GPR55: variants seen among roughly 807,000 people sequenced by gnomAD.
GPR55 encodes the protein G-protein coupled receptor 55.
Under a neutral mutation model 7.9 loss-of-function variants are expected in GPR55, and 6 were observed. That is an observed-to-expected ratio of 0.76 (90% CI 0.41 to 1.49). GPR55 has a LOEUF of 1.49. Among genes scored for constraint, GPR55 ranks in the 40% most tolerant of loss-of-function variants. GPR55 has a pLI of 0.01. For missense variants in GPR55, 376 were observed against 406.0 expected, an observed-to-expected ratio of 0.93 and a Z score of 0.63; for synonymous variants, 183 against 166.8, an observed-to-expected ratio of 1.10 and a Z score of -0.75.
intron 1 of GPR55, among the ~76,000 whole-genome samples, chr2:230,952,045 T>C (rs950588010): frequency 1.3e-5 from 2 of 151,774 alleles, no homozygotes; most frequent in African/African-American, 4.8e-5. Flanking sequence ...GGATTACAGG[T>C]GTGAGCCACC....
chr2:230,908,505 C>A lies in GPR55; in HGVS notation c.*1498G>T. On this transcript the variant is annotated 3_prime_UTR_variant, in exon 2 of 2. Transcript: ENST00000650999. ...CTAGGGCCACGGCTCAGCTTCCCCTCCTTTTCCTCTTCCTCTTCCTCCTCC... is the reference window on the plus strand; with the variant it reads ...CTAGGGCCACGGCTCAGCTTCCCCTACTTTTCCTCTTCCTCTTCCTCCTCC... 6.4e-6 allele frequency: 1 copy of A among 155,526 alleles called. No individual in the cohort carries two copies. 9.6% of individuals were successfully genotyped at this position (155,526 alleles called of 1,614,324 possible).
At chr2:230,927,796 C>T (rs1690968112), upstream of GPR55, among the ~76,000 whole-genome samples, 1 of 152,270 alleles carries the variant, frequency 6.6e-6, no homozygotes, top group South Asian at 2.1e-4. Context: ...TCACCACATC[C>T]TCCCCTGACG....
At chr2:230,957,749 C>CT (rs1691514685) in intron 1 of GPR55, 1 of 551,406 alleles carries the variant, frequency 1.8e-6, no homozygotes, top group Admixed American at 1.9e-5. Flanking sequence ...TTTTTGTTAA[C>CT]TAGTAGAATT....
At chr2:230,950,025 G>A (rs946096820) in intron 1 of GPR55, among the ~76,000 whole-genome samples, 43 of 152,246 alleles carry the variant, frequency 2.8e-4, no homozygotes, top group African/African-American at 9.9e-4. Context: ...TAGTAGAGAC[G>A]GGGTTTCACC....
chr2:230,920,275 C>G (rs890026738), intron 1 of GPR55, among the ~76,000 whole-genome samples: 1 of 152,046 alleles, frequency 6.6e-6, no homozygotes, highest in Admixed American at 6.6e-5. Flanking sequence ...TGAGGCATGG[C>G]AGGGCGCAAG....
chr2:230,923,138 C>A lies in GPR55; in HGVS notation c.-135+2030G>T, dbSNP rs145168160. Among the ~76,000 whole-genome samples, 4 of 152,368 alleles carry A rather than the reference C, an allele frequency of 2.6e-5. No individual in the cohort carries two copies. Among genetic ancestry groups the A allele is most frequent in the East Asian group, 3.9e-4 (2 of 5,190 alleles). ...CACTTGCGGCAGCCCTGTGGCTTTG[C>A]CTGCACAGCTGAGACCTCGAAACCC... is the stretch of plus-strand genomic sequence containing the variant. On this transcript the variant is annotated intron_variant, in intron 1 of 1. Coordinates refer to ENST00000650999, the MANE Select transcript of GPR55 (RefSeq NM_005683.4). This position sits in a 1 kb window ranked among gnomAD's most constrained non-coding sequence, Gnocchi z 4.1.
intron 1 of GPR55, among the ~76,000 whole-genome samples, chr2:230,948,141 G>A (rs1179427211): frequency 2.0e-5 from 3 of 151,900 alleles, no homozygotes; most frequent in Admixed American, 6.6e-5. Flanking sequence ...CCCTTGGTGA[G>A]GCAAAGCACA....
intron 1 of GPR55, among the ~76,000 whole-genome samples, chr2:230,932,574 G>A (rs1242511832): frequency 1.3e-5 from 2 of 152,130 alleles, no homozygotes; most frequent in Admixed American, 6.5e-5. Flanking sequence ...TATGATAAAG[G>A]TACATAAAGC....
At chr2:230,929,690 G>A (rs1691001232), upstream of GPR55, 1 of 152,220 alleles carries the variant, frequency 6.6e-6, no homozygotes, top group Non-Finnish European at 1.5e-5. Flanking sequence ...GTTGGACAAA[G>A]GTGGTCTTCA....
rs1255616081 is a variant in GPR55, at chr2:230,907,452, G to A, written c.*2551C>T. The A allele has an allele frequency of 6.6e-6, 1 of 152,276 alleles. No homozygotes were observed. The highest frequency in any genetic ancestry group is 2.4e-5 in the African/African-American group (1 of 41,456). 9.4% of individuals were successfully genotyped at this position (152,276 alleles called of 1,614,324 possible). A position where few individuals can be genotyped will look rare whatever the true frequency, so the allele number is the denominator to read the frequency against. ...ATGGGCCAGCTTGGGTTGCAGCTATGTGGGTCCAAACTCTCGGCCCTCCTG... is the reference window on the plus strand; with the variant it reads ...ATGGGCCAGCTTGGGTTGCAGCTATATGGGTCCAAACTCTCGGCCCTCCTG... On this transcript the variant is annotated 3_prime_UTR_variant, in exon 2 of 2. Coordinates refer to ENST00000650999, the MANE Select transcript of GPR55 (RefSeq NM_005683.4).
intron 1 of GPR55, among the ~76,000 whole-genome samples, chr2:230,934,422 G>A (rs1691101471): frequency 6.6e-6 from 1 of 152,218 alleles, no homozygotes; most frequent in Admixed American, 6.5e-5. Context: ...AGGACCAAAT[G>A]TGAGATGACC....
chr2:230,951,661 G>A lies in GPR55; in HGVS notation c.-135+9114C>T, dbSNP rs151015700. The stretch of plus-strand genomic sequence containing the variant: ...TTTGTACCATTCACAACTTAGAGTT[G>A]GCTGGGATCTTGACAACTGAGGGTA... On this transcript the variant is annotated intron_variant, in intron 1 of 1. Coordinates refer to the GPR55 transcript ENST00000392039. Among the ~76,000 whole-genome samples the A allele has an allele frequency of 1.5e-4, 23 of 152,194 alleles. No homozygotes were observed. The East Asian group carries it at 4.4e-3, about 29-fold the overall frequency.
In GPR55 at chr2:230,908,897, G is replaced by A. The variant is rs530373803; in HGVS notation, c.*1106C>T. The A allele has an allele frequency of 2.4e-4, 37 of 152,416 alleles. 1 individual carries two copies. The highest frequency in any genetic ancestry group is 2.2e-3 in the Admixed American group (34 of 15,292). The allele number at this position is 152,416 out of a possible 1,614,324, so 9.4% of individuals were successfully genotyped here. On this transcript the variant is annotated 3_prime_UTR_variant, in exon 2 of 2. Transcript: ENST00000650999. ...GACCCCCCCTTGCCTTCTTTCTCAAGGCCACACCCTTGTGCCTAGCTGCCT... is the reference window on the plus strand; with the variant it reads ...GACCCCCCCTTGCCTTCTTTCTCAAAGCCACACCCTTGTGCCTAGCTGCCT...
chr2:230,937,261 C>G (rs562821486), intron 1 of GPR55, among the ~76,000 whole-genome samples: 1 of 151,452 alleles, frequency 6.6e-6, no homozygotes, highest in South Asian at 2.1e-4. Context: ...TTTAATTAGC[C>G]AGGTGTGGTG....
intron 1 of GPR55, among the ~76,000 whole-genome samples, chr2:230,943,776 G>T (rs79047878): frequency 0.019 from 2,854 of 152,176 alleles, 85 homozygotes; most frequent in African/African-American, 0.065. Flanking sequence ...AAAGTGTGCG[G>T]CACCTCCCCA....
chr2:230,924,398 C>T lies in GPR55; in HGVS notation c.-135+770G>A, dbSNP rs550071476. ...CCCAGGTGAAGCCAGGCCAGCCAGACATGTCCTGACTTTGTGTTCTCACTC... is the reference window on the plus strand; with the variant it reads ...CCCAGGTGAAGCCAGGCCAGCCAGATATGTCCTGACTTTGTGTTCTCACTC... On this transcript the variant is annotated intron_variant, in intron 1 of 1. Transcript: ENST00000650999. The surrounding 1 kb of genome is among the most constrained non-coding windows in gnomAD (Gnocchi z 4.5). 2.1e-4 allele frequency among the ~76,000 whole-genome samples: 32 copies of T among 152,204 alleles called. No individual in the cohort carries two copies. The highest frequency in any genetic ancestry group is 3.4e-4 in the Non-Finnish European group (23 of 68,030).
chr2:230,939,223 G>A (rs1024792702), intron 1 of GPR55, among the ~76,000 whole-genome samples: 1 of 152,226 alleles, frequency 6.6e-6, no homozygotes, highest in Non-Finnish European at 1.5e-5. Flanking sequence ...GGCTCTTTCC[G>A]GTGGCTCCGA....
At chr2:230,928,050 G>C (rs995396393), upstream of GPR55, among the ~76,000 whole-genome samples, 8 of 152,352 alleles carry the variant, frequency 5.3e-5, no homozygotes, top group African/African-American at 1.4e-4. Context: ...CAGCCCAGGT[G>C]CAGGCACAGG....
chr2:230,912,279 C>T (rs1401840489), intron 1 of GPR55, among the ~76,000 whole-genome samples: 1 of 152,164 alleles, frequency 6.6e-6, no homozygotes, highest in African/African-American at 2.4e-5. Context: ...TGCCGTGAGA[C>T]CCACCTTCCT....
Sources: allele counts gnomAD v4.1 joint callset (sites outside exome capture counted in the v4.1 genomes callset), GRCh38; gene constraint gnomAD v4.1.1; non-coding constraint Gnocchi (gnomAD v3.1); transcripts MANE v1.5; gene names NCBI Gene and HGNC (gene_info 2026-07-23, HGNC 2026-07-21).